The following NTNG1 variants were observed in gnomAD, a reference collection of about 807,000 sequenced individuals.
NTNG1 encodes the protein netrin-G1.
Under a neutral mutation model 54.0 loss-of-function variants are expected in NTNG1, and 16 were observed. The ratio of observed to expected loss-of-function variants is 0.30; its 90% confidence interval spans 0.20 to 0.45. NTNG1 has a LOEUF of 0.45. NTNG1 is among the 20% of genes least tolerant of loss of function. The probability of loss-of-function intolerance (pLI) is 1.00; values close to 1 mark genes in which losing one functional copy is unlikely to be tolerated. For missense variants in NTNG1, 530 were observed against 678.7 expected, an observed-to-expected ratio of 0.78 and a Z score of 2.43; for synonymous variants, 255 against 263.1, an observed-to-expected ratio of 0.97 and a Z score of 0.30.
chr1:107,283,625 C>T (rs1665009594), intron 2 of NTNG1, among the ~76,000 whole-genome samples: 1 of 152,152 alleles, frequency 6.6e-6, no homozygotes, highest in African/African-American at 2.4e-5. Context: ...CGTATTAGGC[C>T]TAGACCATTT....
intron 6 of NTNG1, among the ~76,000 whole-genome samples, chr1:107,432,491 T>C (rs1675335406): frequency 1.3e-5 from 2 of 152,192 alleles, no homozygotes; most frequent in African/African-American, 4.8e-5. Context: ...AATTCCACTC[T>C]GAGTTTATGA....
intron 2 of NTNG1, among the ~76,000 whole-genome samples, chr1:107,268,196 TC>T (rs1663880685): frequency 6.6e-6 from 1 of 152,232 alleles, no homozygotes; most frequent in African/African-American, 2.4e-5. Context: ...TTTCTCTACT[TC>T]TGTTTACAAC....
chr1:107,378,400 C>T (rs1045124201), intron 3 of NTNG1, among the ~76,000 whole-genome samples: 1 of 152,138 alleles, frequency 6.6e-6, no homozygotes, highest in African/African-American at 2.4e-5. Context: ...AACAAGTGAC[C>T]GGAATGTAAA....
chr1:107,446,918 C>G (rs1366886148), intron 7 of NTNG1, among the ~76,000 whole-genome samples: 1 of 152,096 alleles, frequency 6.6e-6, no homozygotes, highest in Non-Finnish European at 1.5e-5. Context: ...CACAGTTCAT[C>G]TGCTCTGCCT....
At chr1:107,458,260 G>A (rs1056319184) in intron 7 of NTNG1, among the ~76,000 whole-genome samples, 1 of 152,194 alleles carries the variant, frequency 6.6e-6, no homozygotes, top group South Asian at 2.1e-4. Flanking sequence ...TGCCAATCCG[G>A]GGGAAGCAAA....
intron 2 of NTNG1, among the ~76,000 whole-genome samples, chr1:107,151,255 T>G (rs1165264252): frequency 6.6e-6 from 1 of 152,214 alleles, no homozygotes; most frequent in East Asian, 1.9e-4. Flanking sequence ...ACATTCACTC[T>G]GCAGTTTTGG....
chr1:107,178,956 G>A (rs1374581027), intron 2 of NTNG1, among the ~76,000 whole-genome samples: 2 of 152,178 alleles, frequency 1.3e-5, no homozygotes, highest in Non-Finnish European at 1.5e-5. Context: ...GATCAATGTC[G>A]CTGCTTGGAC....
intron 2 of NTNG1, among the ~76,000 whole-genome samples, chr1:107,183,076 G>T (rs1192680280): frequency 3.3e-5 from 5 of 152,144 alleles, no homozygotes; most frequent in Admixed American, 6.6e-5. Flanking sequence ...AGACTGAACC[G>T]ATTCTTTTGC....
intron 6 of NTNG1, among the ~76,000 whole-genome samples, chr1:107,431,267 A>C (rs961842567): frequency 1.3e-5 from 2 of 152,168 alleles, no homozygotes; most frequent in South Asian, 4.1e-4. Context: ...CTATACATTC[A>C]ACTTTCAAAA....
chr1:107,206,966 G>A (rs1659243046), intron 2 of NTNG1, among the ~76,000 whole-genome samples: 1 of 152,114 alleles, frequency 6.6e-6, no homozygotes, highest in Non-Finnish European at 1.5e-5. Context: ...ATATGAACAT[G>A]GAAGCTACTT....
chr1:107,288,047 G>C (rs979592614), intron 2 of NTNG1, among the ~76,000 whole-genome samples: 4 of 152,044 alleles, frequency 2.6e-5, no homozygotes, highest in Non-Finnish European at 5.9e-5. Flanking sequence ...AGTGAGTGAA[G>C]CCTAAAGGAA....
chr1:107,467,246 G>C (rs772117111), intron 7 of NTNG1, among the ~76,000 whole-genome samples: 2 of 152,094 alleles, frequency 1.3e-5, no homozygotes. Flanking sequence ...AGGAGTGAAC[G>C]ATGATTTTTT....
chr1:107,405,151 AT>A (rs1288630950), intron 4 of NTNG1, among the ~76,000 whole-genome samples: 1 of 152,276 alleles, frequency 6.6e-6, no homozygotes. Context: ...AGTTTATTCA[AT>A]TCTTTATCTG....
intron 2 of NTNG1, among the ~76,000 whole-genome samples, chr1:107,170,932 A>C (rs368630985): frequency 1.3e-5 from 2 of 152,246 alleles, no homozygotes; most frequent in East Asian, 3.9e-4. Flanking sequence ...TATCTTAATA[A>C]TGGGACCATC....
chr1:107,249,879 CAT>C (rs1662477283), intron 2 of NTNG1, among the ~76,000 whole-genome samples: 3 of 152,318 alleles, frequency 2.0e-5, no homozygotes, highest in Admixed American at 1.3e-4. Context: ...TTCTGCATCA[CAT>C]GTTTTCACCA....
chr1:107,321,531 T>C (rs1168376637), intron 2 of NTNG1, among the ~76,000 whole-genome samples: 1 of 151,994 alleles, frequency 6.6e-6, no homozygotes, highest in Non-Finnish European at 1.5e-5. Flanking sequence ...TCCTCATGTT[T>C]ACAATATCCA....
At chr1:107,326,541 A>G (rs776207859) in intron 3 of NTNG1, among the ~76,000 whole-genome samples, 30 of 152,170 alleles carry the variant, frequency 2.0e-4, no homozygotes, top group Non-Finnish European at 2.9e-5. Context: ...GTTATTATTA[A>G]TGATAGCTTG....
chr1:107,461,209 G>T (rs1677263176), intron 7 of NTNG1, among the ~76,000 whole-genome samples: 3 of 152,172 alleles, frequency 2.0e-5, no homozygotes, highest in African/African-American at 7.2e-5. Flanking sequence ...AACAGGGAAA[G>T]AAATAAACAG....
intron 2 of NTNG1, among the ~76,000 whole-genome samples, chr1:107,226,692 G>A (rs1035934329): frequency 6.6e-6 from 1 of 152,028 alleles, no homozygotes; most frequent in Non-Finnish European, 1.5e-5. Context: ...TTTCATTATT[G>A]TGTGACCCCA....
Sources: gnomAD v4.1 joint callset for allele counts (sites outside exome capture counted in the v4.1 genomes callset) on GRCh38, gnomAD v4.1.1 for gene constraint, MANE v1.5 for transcripts, NCBI Gene and HGNC (gene_info 2026-07-23, HGNC 2026-07-21) for gene names.